The following FAT3 variants were observed in gnomAD, a reference collection of about 807,000 sequenced individuals.
FAT3 encodes protocadherin Fat 3.
A neutral mutation model predicts 310.2 loss-of-function variants in FAT3; 95 were observed. The ratio of observed to expected loss-of-function variants is 0.31; its 90% CI spans 0.26 to 0.36. FAT3 has a LOEUF of 0.36. Among genes scored for constraint, FAT3 ranks in the 10% least tolerant of loss-of-function variants. The pLI, the probability that FAT3 is intolerant of heterozygous loss-of-function variation, is 1.00. For missense variants in FAT3, 5,408 were observed against 5,715.6 expected (o/e 0.95, Z 1.74); for synonymous variants, 2,314 against 2,192.9 (o/e 1.06, Z -1.54).
At chr11:92,726,834 A>G (rs1945016188) in intron 4 of FAT3, among the ~76,000 whole-genome samples, 1 of 151,800 alleles carries the variant, frequency 6.6e-6, no homozygotes, top group African/African-American at 2.4e-5. Flanking sequence ...ATTCAACATG[A>G]AAAGCAAAAA....
At chr11:92,792,670 G>A (rs752719431) in intron 8 of FAT3, 97 bp from the exon 9 acceptor site, 141 of 1,164,972 alleles carry the variant, frequency 1.2e-4, no homozygotes, top group Middle Eastern at 2.1e-4. Flanking sequence ...AGCACTTTGC[G>A]TGCATTATTT....
At chr11:92,594,681 C>G (rs1354061399) in intron 3 of FAT3, among the ~76,000 whole-genome samples, 1 of 152,116 alleles carries the variant, frequency 6.6e-6, no homozygotes, top group Non-Finnish European at 1.5e-5. Flanking sequence ...ACTCATGACA[C>G]TTAGGGTCTG....
intron 2 of FAT3, chr11:92,400,238 A>G (rs1042906738): frequency 6.6e-6 from 1 of 152,210 alleles, no homozygotes; most frequent in Non-Finnish European, 1.5e-5. Context: ...TGATATATTA[A>G]CTTAGTGAGG....
chr11:92,633,425 C>T (rs1281902348), intron 3 of FAT3, among the ~76,000 whole-genome samples: 1 of 151,926 alleles, frequency 6.6e-6, no homozygotes. Context: ...ATTTTGTTTG[C>T]CAACATCCTA....
intron 3 of FAT3, among the ~76,000 whole-genome samples, chr11:92,673,035 A>G (rs1301428279): frequency 6.6e-6 from 1 of 152,236 alleles, no homozygotes; most frequent in East Asian, 1.9e-4. Context: ...TTCCAACTCT[A>G]ACAGTTAATA....
At chr11:92,378,251 T>C (rs774551599) in intron 2 of FAT3, among the ~76,000 whole-genome samples, 17 of 152,218 alleles carry the variant, frequency 1.1e-4, no homozygotes, top group Non-Finnish European at 2.1e-4. Flanking sequence ...TTCCAGTGTG[T>C]TCTGGTCACC....
chr11:92,724,608 CCG>C (rs1363680389), intron 4 of FAT3, among the ~76,000 whole-genome samples: 1 of 152,180 alleles, frequency 6.6e-6, no homozygotes, highest in Non-Finnish European at 1.5e-5. Flanking sequence ...TTTATCCCTT[CCG>C]TTTAAGTAAA....
At chr11:92,281,573 C>G (rs1314469176) in intron 1 of FAT3, among the ~76,000 whole-genome samples, 1 of 152,092 alleles carries the variant, frequency 6.6e-6, no homozygotes, top group African/African-American at 2.4e-5. Flanking sequence ...TTCATCTCTC[C>G]CTGGTCCTAA....
At chr11:92,430,636 A>G (rs1038042855) in intron 2 of FAT3, among the ~76,000 whole-genome samples, 3 of 151,910 alleles carry the variant, frequency 2.0e-5, no homozygotes, top group Admixed American at 6.6e-5. Context: ...CATCAGGTAT[A>G]TCTCCTAATG....
At chr11:92,765,132 T>C (rs1565576658) in intron 6 of FAT3, 43 bp downstream of exon 6, 12 of 1,453,798 alleles carry the variant, frequency 8.3e-6, no homozygotes, top group Non-Finnish European at 9.2e-6. Context: ...AATGTAATAA[T>C]TGACTGAAGC....
intron 4 of FAT3, among the ~76,000 whole-genome samples, chr11:92,754,644 A>AAAAAAAAAAAAAAAAAAAAAAAAAAAAAC (rs1472073008): frequency 6.9e-6 from 1 of 144,124 alleles, no homozygotes; most frequent in African/African-American, 2.6e-5. Context: ...AAAAAAAAAA[A>AAAAAAAAAAAAAAAAAAAAAAAAAAAAAC]AGGAGATAGA....
intron 3 of FAT3, among the ~76,000 whole-genome samples, chr11:92,577,032 AT>A (rs1370057577): frequency 6.6e-6 from 1 of 152,044 alleles, no homozygotes; most frequent in African/African-American, 2.4e-5. Context: ...TCATTCATTC[AT>A]TCATTCATTC....
intron 13 of FAT3, among the ~76,000 whole-genome samples, chr11:92,812,846 C>T (rs751865423): frequency 6.6e-6 from 1 of 152,066 alleles, no homozygotes; most frequent in African/African-American, 2.4e-5. Flanking sequence ...GGCTGTGACC[C>T]CACCCAAATC....
chr11:92,440,694 A>C (rs1951046990), intron 2 of FAT3, among the ~76,000 whole-genome samples: 1 of 152,206 alleles, frequency 6.6e-6, no homozygotes, highest in East Asian at 1.9e-4. Flanking sequence ...GTGTTTTGGG[A>C]GGCGGTGAAA....
Position 92,798,872 on chromosome 11 carries a change from G to T in FAT3, c.5859G>T (p.Leu1953=), listed in dbSNP as rs747858661. The change falls in exon 10 of 28, where the codon CTG becomes CTT. Residue 1953 remains leucine, a synonymous_variant. Coordinates refer to ENST00000525166, the MANE Select transcript of FAT3 (RefSeq NM_001367949.2). Reference sequence around the variant, plus strand: ...ACCTCTCCAAGGATCACTACATGCTGATAGTTAAGGTGTCTGATGGAAAGT... The same window carrying T: ...ACCTCTCCAAGGATCACTACATGCTTATAGTTAAGGTGTCTGATGGAAAGT... ...NNNLSKDHYM[L]IVKVSDGKFY... 1.2e-6 allele frequency: 2 copies of T among 1,613,914 alleles called. No individual in the cohort carries two copies. Among genetic ancestry groups the T allele is most frequent in the Non-Finnish European group, 1.7e-6 (2 of 1,179,872 alleles).
intron 4 of FAT3, among the ~76,000 whole-genome samples, chr11:92,730,252 C>G (rs966909081): frequency 1.3e-5 from 2 of 152,058 alleles, no homozygotes; most frequent in Non-Finnish European, 2.9e-5. Context: ...GAGGGAGGAT[C>G]GCTTGAGCCC....
intron 1 of FAT3, among the ~76,000 whole-genome samples, chr11:92,257,280 C>T (rs548660705): frequency 2.6e-5 from 4 of 152,126 alleles, no homozygotes; most frequent in Non-Finnish European, 4.4e-5. Flanking sequence ...CTGGTTTTAA[C>T]GGCTGTTTGT....
chr11:92,644,193 T>C (rs1337135331), intron 3 of FAT3, among the ~76,000 whole-genome samples: 1 of 152,222 alleles, frequency 6.6e-6, no homozygotes, highest in African/African-American at 2.4e-5. Flanking sequence ...CATTGACATA[T>C]AGCATCTCTT....
At chr11:92,675,851 A>G (rs1386413839) in intron 3 of FAT3, among the ~76,000 whole-genome samples, 1 of 152,200 alleles carries the variant, frequency 6.6e-6, no homozygotes, top group African/African-American at 2.4e-5. Flanking sequence ...GGAGAAAAAA[A>G]TCATCTCCCC....
Sources: gnomAD v4.1 joint callset for allele counts (sites outside exome capture counted in the v4.1 genomes callset) on GRCh38, gnomAD v4.1.1 for gene constraint, MANE v1.5 for transcripts, NCBI Gene and HGNC (gene_info 2026-07-23, HGNC 2026-07-21) for gene names.